TTC13: variants seen among roughly 807,000 people sequenced by gnomAD.
TTC13 encodes tetratricopeptide repeat domain 13, also known as tetratricopeptide repeat protein 13.
Under a neutral mutation model 120.0 loss-of-function variants are expected in TTC13, and 62 were observed. The ratio of observed to expected loss-of-function variants is 0.52; its 90% CI spans 0.42 to 0.64. The LOEUF is 0.64. TTC13 is among the 30% of genes least tolerant of loss of function. The pLI is 0.00. For missense variants in TTC13, 824 were observed against 1,050.2 expected (o/e 0.78, Z 2.98); for synonymous variants, 384 against 393.5 (o/e 0.98, Z 0.28).
At chr1:230,928,363 G>C (rs1673230225) in intron 12 of TTC13, among the ~76,000 whole-genome samples, 1 of 152,058 alleles carries the variant, frequency 6.6e-6, no homozygotes, top group Admixed American at 6.6e-5. Context: ...TTACTTCTAA[G>C]TATTTGTTAC....
intron 19 of TTC13, among the ~76,000 whole-genome samples, chr1:230,912,188 G>A (rs528310410): frequency 8.5e-4 from 129 of 152,176 alleles, no homozygotes; most frequent in African/African-American, 2.9e-3. Context: ...GGAAAGGGCC[G>A]CCAAGTGCAA....
At position 230,935,033 on chromosome 1, in the gene TTC13, C is replaced by T. The variant is rs969838152; in HGVS notation, c.901-1172G>A. 1.2e-4 allele frequency among the ~76,000 whole-genome samples: 19 copies of T among 152,248 alleles called. No individual in the cohort carries two copies. The East Asian group carries it at 1.4e-3, about 11-fold the overall frequency. On this transcript the variant is annotated intron_variant, in intron 8 of 22. Coordinates refer to ENST00000366661, the MANE Select transcript of TTC13 (RefSeq NM_024525.5). The stretch of plus-strand genomic sequence containing the variant: ...TGGTGTGCAAACTCTTCAAAGGCAA[C>T]GATGGGATGACAATCTACTAATTAA...
At chr1:230,959,350 T>C (rs1676403273) in intron 2 of TTC13, among the ~76,000 whole-genome samples, 1 of 151,876 alleles carries the variant, frequency 6.6e-6, no homozygotes, top group Non-Finnish European at 1.5e-5. Context: ...CACTAGAAAG[T>C]GGGCAGGAGA....
rs1424470092 is a variant in TTC13 at position 230,942,079 on chromosome 1, GAC to G, written c.673-1525_673-1524del. Among the ~76,000 whole-genome samples the G allele has an allele frequency of 1.3e-5, 2 of 152,076 alleles. No homozygotes were observed. Among genetic ancestry groups the G allele is most frequent in the Non-Finnish European group, 2.9e-5 (2 of 68,014 alleles). On this transcript the variant is annotated intron_variant, in intron 6 of 22. Transcript: ENST00000366661. This position sits in a 1 kb window ranked among gnomAD's most constrained non-coding sequence, Gnocchi z 4.0. ...ACAGAATATTATTATACATTTTTAA[GAC>G]AATTAAAAATTATTTTTCTAATTAC...
At chr1:230,943,288 G>A (rs1674678930) in intron 6 of TTC13, among the ~76,000 whole-genome samples, 1 of 151,046 alleles carries the variant, frequency 6.6e-6, no homozygotes, top group Non-Finnish European at 1.5e-5. Flanking sequence ...TAGGGTACAT[G>A]TGCACAATGT....
At chr1:230,909,977 G>C (rs1304416080) in intron 20 of TTC13, among the ~76,000 whole-genome samples, 1 of 152,170 alleles carries the variant, frequency 6.6e-6, no homozygotes, top group East Asian at 1.9e-4. Context: ...GGGTGGAAGG[G>C]GCTGGCAAAA....
Position 230,940,721 on chromosome 1 carries a change from C to G in TTC13, c.673-165G>C, listed in dbSNP as rs548762134. 5.3e-5 allele frequency among the ~76,000 whole-genome samples: 8 copies of G among 152,280 alleles called. No homozygotes were observed. In the South Asian group the frequency reaches 1.7e-3, roughly 32 times the overall value. On this transcript the variant is annotated intron_variant, in intron 6 of 22. Coordinates refer to ENST00000366661, the MANE Select transcript of TTC13 (RefSeq NM_024525.5). The surrounding 1 kb of genome is among the most constrained non-coding windows in gnomAD (Gnocchi z 4.1). ...TTATGCGGTGGGGTTCAAAGTCAACCAGCTGAGGTGCCACTAATCTTTGTC... is the reference window on the plus strand; with the variant it reads ...TTATGCGGTGGGGTTCAAAGTCAACGAGCTGAGGTGCCACTAATCTTTGTC...
rs1450659555 is a variant in TTC13 at position 230,911,457 on chromosome 1, G to A, written c.2309+13C>T. ...TCAATTTAAAATAATTTTAATGACAGGATATTACTTACCTGGATCCTCGAG... is the reference window on the plus strand; with the variant it reads ...TCAATTTAAAATAATTTTAATGACAAGATATTACTTACCTGGATCCTCGAG... On this transcript the variant is annotated intron_variant, in intron 20 of 22. Transcript: ENST00000366661. 3.9e-6 allele frequency: 6 copies of A among 1,538,372 alleles called. No homozygotes were observed. Among genetic ancestry groups the A allele is most frequent in the Non-Finnish European group, 4.4e-6 (5 of 1,130,178 alleles).
At position 230,961,311 on chromosome 1, in the gene TTC13, G is replaced by A; in HGVS notation, c.272-8C>T. The A allele has an allele frequency of 6.2e-7, 1 of 1,602,034 alleles. No individual in the cohort carries two copies. The highest frequency in any genetic ancestry group is 1.1e-5 in the South Asian group (1 of 90,180). On this transcript the variant is annotated splice_region_variant and splice_polypyrimidine_tract_variant and intron_variant, in intron 1 of 22. Transcript: ENST00000366661. ...AGTTCAAAAAGGATGACTCTGAAAG[G>A]CAAGCATTCTTTGTTATTCTCTACA...
chr1:230,915,720 G>A (rs372076967), intron 18 of TTC13, among the ~76,000 whole-genome samples: 84 of 151,880 alleles, frequency 5.5e-4, no homozygotes, highest in Middle Eastern at 3.4e-3. Context: ...TTGCTTATCT[G>A]TATATTCTAA....
At chr1:230,956,881 C>T (rs1383913208) in intron 3 of TTC13, among the ~76,000 whole-genome samples, 1 of 152,156 alleles carries the variant, frequency 6.6e-6, no homozygotes, top group Non-Finnish European at 1.5e-5. Flanking sequence ...AATCTCTACT[C>T]ACCAGCAACC....
chr1:230,911,643 G>T, intron 19 of TTC13, 94 bp from the exon 20 acceptor site: 1 of 751,412 alleles, frequency 1.3e-6, no homozygotes, highest in Non-Finnish European at 2.0e-6. Context: ...TCTACATCAA[G>T]AAGAGGATTG....
chr1:230,952,101 T>A (rs1675649380), intron 4 of TTC13, among the ~76,000 whole-genome samples: 1 of 152,230 alleles, frequency 6.6e-6, no homozygotes, highest in Non-Finnish European at 1.5e-5. Context: ...CGAATCTTCG[T>A]ATTTTCTTTC....
chr1:230,912,595 AG>A, intron 19 of TTC13, 27 bp downstream of exon 19: 1 of 1,605,314 alleles, frequency 6.2e-7, no homozygotes, highest in Non-Finnish European at 8.5e-7. Context: ...TAGGAAGAGC[AG>A]AAAAATGGAA....
Position 230,934,261 on chromosome 1 carries a change from T to C in TTC13, c.901-400A>G, listed in dbSNP as rs1447876547. ...TGTGTGAAATAATTTAAAATGATCA[T>C]AACTGGCAACATTTAAAATTGAACC... On this transcript the variant is annotated intron_variant, in intron 8 of 22. Coordinates refer to ENST00000366661, the MANE Select transcript of TTC13 (RefSeq NM_024525.5). 2.0e-5 allele frequency among the ~76,000 whole-genome samples: 3 copies of C among 152,090 alleles called. No homozygotes were observed. In the East Asian group the frequency reaches 5.8e-4, roughly 29 times the overall value.
intron 3 of TTC13, chr1:230,956,545 C>A: frequency 2.6e-6 from 1 of 391,356 alleles, no homozygotes; most frequent in Non-Finnish European, 4.9e-6. Context: ...TTTATTATCC[C>A]ATAATCAGTA....
In TTC13 at chr1:230,974,437, TG is replaced by T. The variant is rs201286976; in HGVS notation, c.271+4122del. Among the ~76,000 whole-genome samples, 1,248 of 152,340 alleles carry T rather than the reference TG, an allele frequency of 8.2e-3. 8 individuals carry two copies. Among genetic ancestry groups the T allele is most frequent in the Non-Finnish European group, 0.011 (772 of 68,030 alleles). ...TCAGACGGTAATACCACATTTTCAC[TG>T]TACATTTTCTGTATTTAGATACACA... On this transcript the variant is annotated intron_variant, in intron 1 of 22. Transcript: ENST00000366661.
intron 18 of TTC13, among the ~76,000 whole-genome samples, chr1:230,913,145 A>G (rs193217311): frequency 1.3e-5 from 2 of 152,366 alleles, no homozygotes; most frequent in East Asian, 3.9e-4. Context: ...TGTGTGTAGG[A>G]AGAAAGTTCA....
chr1:230,921,472 T>C lies in TTC13; in HGVS notation c.1847A>G (p.Tyr616Cys), dbSNP rs1332363191. 2.6e-6 allele frequency: 4 copies of C among 1,549,622 alleles called. No individual in the cohort carries two copies. Residue 616 changes from tyrosine to cysteine, a missense_variant, in exon 16 of 23, where the codon TAT becomes TGT. Tyr to Cys is a radical substitution (Grantham distance 194). Transcript: ENST00000366661. Reference sequence around the variant, plus strand: ...AATAAAATGAAGTATTTTCTCAAAATATTCTAGGTATCTCATGTTGATCAC... The same window carrying C: ...AATAAAATGAAGTATTTTCTCAAAACATTCTAGGTATCTCATGTTGATCAC... ...GQVINMRYLEYFEKILHFIKD... is the reference protein window; with the variant it reads ...GQVINMRYLECFEKILHFIKD...
Sources: gnomAD v4.1 joint callset for allele counts (sites outside exome capture counted in the v4.1 genomes callset) on GRCh38, gnomAD v4.1.1 for gene constraint, Gnocchi (gnomAD v3.1) non-coding constraint, MANE v1.5 for transcripts, NCBI Gene and HGNC (gene_info 2026-07-23, HGNC 2026-07-21) for gene names.